KCNT2: variants seen among roughly 807,000 people sequenced by gnomAD.
KCNT2 encodes potassium channel subfamily T member 2.
Under a neutral mutation model 153.8 loss-of-function variants are expected in KCNT2, and 67 were observed. That is an observed-to-expected ratio of 0.44 (90% CI 0.36 to 0.53). KCNT2 has a LOEUF of 0.53. Ranked by LOEUF, KCNT2 falls within the 20% of genes least tolerant of loss-of-function variation. KCNT2 has a pLI of 0.00. For missense variants in KCNT2, 975 were observed against 1,354.8 expected, an observed-to-expected ratio of 0.72 and a Z score of 4.40; for synonymous variants, 500 against 458.8, an observed-to-expected ratio of 1.09 and a Z score of -1.15.
intron 21 of KCNT2, among the ~76,000 whole-genome samples, chr1:196,314,232 T>C (rs185408968): frequency 2.9e-4 from 44 of 151,736 alleles, no homozygotes; most frequent in Non-Finnish European, 5.3e-4. Context: ...ATTGAAAGTT[T>C]AAATAACATG....
intron 14 of KCNT2, among the ~76,000 whole-genome samples, chr1:196,345,878 C>T (rs564417663): frequency 2.0e-5 from 3 of 152,174 alleles, no homozygotes; most frequent in Middle Eastern, 3.4e-3. Flanking sequence ...AGTCCCAGTG[C>T]TTACAAGACA....
At chr1:196,234,806 C>T (rs187924260) in intron 27 of KCNT2, among the ~76,000 whole-genome samples, 4 of 151,526 alleles carry the variant, frequency 2.6e-5, no homozygotes, top group African/African-American at 9.6e-5. Context: ...TTCTGGATTA[C>T]AGACACAAAC....
chr1:196,370,575 G>A (rs976907723), intron 14 of KCNT2, among the ~76,000 whole-genome samples: 1 of 151,940 alleles, frequency 6.6e-6, no homozygotes. Flanking sequence ...TACGAATACT[G>A]CTGATGATGT....
intron 25 of KCNT2, among the ~76,000 whole-genome samples, chr1:196,266,009 A>G (rs1011934604): frequency 6.6e-6 from 1 of 152,216 alleles, no homozygotes; most frequent in Non-Finnish European, 1.5e-5. Flanking sequence ...AAACAGCACC[A>G]GCCCCAACAA....
rs948331858 is a variant in KCNT2, at chr1:196,608,386, C to G, written c.-77G>C. On this transcript the variant is annotated 5_prime_UTR_variant, in exon 1 of 28. Coordinates refer to ENST00000294725, the MANE Select transcript of KCNT2 (RefSeq NM_198503.5). ...GAAAGAAAGAAAATATTGCGGAGTA[C>G]AGGGAGAGGACTAACAAGACGCTGT... 14 of 1,178,302 alleles carry G rather than the reference C, an allele frequency of 1.2e-5. No homozygotes were observed. The highest frequency in any genetic ancestry group is 3.5e-5 in the Admixed American group (2 of 56,866). The allele number at this position is 1,178,302 out of a possible 1,614,324, so 73.0% of individuals were successfully genotyped here. A position where few individuals can be genotyped will look rare whatever the true frequency, so the allele number is the denominator to read the frequency against.
At chr1:196,452,267 C>T (rs994772623) in intron 8 of KCNT2, among the ~76,000 whole-genome samples, 49 of 151,988 alleles carry the variant, frequency 3.2e-4, no homozygotes, top group Non-Finnish European at 6.8e-4. Context: ...CTATAAGCTG[C>T]CTTTGAATGA....
intron 25 of KCNT2, among the ~76,000 whole-genome samples, chr1:196,277,838 A>G (rs1232225102): frequency 2.0e-5 from 3 of 152,106 alleles, no homozygotes; most frequent in Non-Finnish European, 1.5e-5. Context: ...CTGCGTTTTT[A>G]TATAATCTTA....
intron 1 of KCNT2, among the ~76,000 whole-genome samples, chr1:196,582,751 A>C (rs1364402971): frequency 6.6e-6 from 1 of 152,116 alleles, no homozygotes; most frequent in Admixed American, 6.6e-5. Context: ...GTGATGCATC[A>C]GGCAAGGATA....
chr1:196,498,075 CT>C lies in KCNT2; in HGVS notation c.96-5735del, dbSNP rs371714206. ...CCTTAATGTTGATTTTAATTTGATA[CT>C]TTTTTTTCATTTTCCTTTTATTCTT... is the stretch of plus-strand genomic sequence containing the variant. On this transcript the variant is annotated intron_variant, in intron 1 of 27. Transcript: ENST00000294725. 5.9e-3 allele frequency among the ~76,000 whole-genome samples: 897 copies of C among 151,984 alleles called. 5 individuals carry two copies. The highest frequency in any genetic ancestry group is 0.02 in the African/African-American group (847 of 41,444).
intron 1 of KCNT2, among the ~76,000 whole-genome samples, chr1:196,602,730 C>G (rs1664864647): frequency 7.0e-6 from 1 of 142,376 alleles, no homozygotes; most frequent in African/African-American, 2.6e-5. Flanking sequence ...ATACATTTTT[C>G]TCTGCATTTT....
rs180900378 is a variant in KCNT2, at chr1:196,568,635, A to T, written c.95+39580T>A. Among the ~76,000 whole-genome samples, 12 of 151,294 alleles carry T rather than the reference A, an allele frequency of 7.9e-5. 1 individual carries two copies. The East Asian group carries it at 2.3e-3, about 29-fold the overall frequency. On this transcript the variant is annotated intron_variant, in intron 1 of 27. Transcript: ENST00000294725. ...AGAAAAGAAAAACACGCCACCACAG[A>T]TCTGACAGGAGGCGGAGCTCAGGTG...
intron 14 of KCNT2, among the ~76,000 whole-genome samples, chr1:196,344,393 A>T (rs938375254): frequency 3.3e-5 from 5 of 152,190 alleles, no homozygotes; most frequent in African/African-American, 4.8e-5. Flanking sequence ...AAACAACAAC[A>T]TAAAACAGTT....
chr1:196,607,882 T>C (rs1665493381), intron 1 of KCNT2, among the ~76,000 whole-genome samples: 1 of 152,204 alleles, frequency 6.6e-6, no homozygotes, highest in Non-Finnish European at 1.5e-5. Context: ...GGAAATGATA[T>C]TGCATACCAT....
At chr1:196,393,293 A>C (rs1461123870) in intron 13 of KCNT2, among the ~76,000 whole-genome samples, 1 of 151,546 alleles carries the variant, frequency 6.6e-6, no homozygotes. Context: ...CAGTTGAAAG[A>C]AAATTGGATG....
rs559452975 is a variant in KCNT2, at chr1:196,449,705, A to C, written c.638+15588T>G. On this transcript the variant is annotated intron_variant, in intron 8 of 27. Transcript: ENST00000294725. ...AATGTACTAATAGGAAATCATGAGA[A>C]GAAAAGCAATGAATCACAATCTTCA... is the stretch of plus-strand genomic sequence containing the variant. Among the ~76,000 whole-genome samples, 22 of 151,792 alleles carry C rather than the reference A, an allele frequency of 1.4e-4. No homozygotes were observed. In the South Asian group the frequency reaches 4.6e-3, roughly 31 times the overall value.
intron 1 of KCNT2, among the ~76,000 whole-genome samples, chr1:196,544,128 G>T (rs1484379211): frequency 6.6e-6 from 1 of 152,054 alleles, no homozygotes; most frequent in East Asian, 1.9e-4. Flanking sequence ...TCCATGAAAG[G>T]TCACTATAAC....
At chr1:196,316,772 A>G (rs1050977430) in intron 20 of KCNT2, among the ~76,000 whole-genome samples, 1 of 151,682 alleles carries the variant, frequency 6.6e-6, no homozygotes, top group Non-Finnish European at 1.5e-5. Flanking sequence ...CATTCTCCCA[A>G]TGAATTAAAA....
chr1:196,292,364 A>G (rs1371540284), intron 22 of KCNT2, among the ~76,000 whole-genome samples: 1 of 152,244 alleles, frequency 6.6e-6, no homozygotes, highest in African/African-American at 2.4e-5. Flanking sequence ...AGCTAACATT[A>G]CACTCAATGG....
chr1:196,542,472 G>A (rs1199869485), intron 1 of KCNT2, among the ~76,000 whole-genome samples: 1 of 152,096 alleles, frequency 6.6e-6, no homozygotes, highest in Non-Finnish European at 1.5e-5. Flanking sequence ...GGAGTTATAA[G>A]TCTAGTATGT....
Sources: gnomAD v4.1 joint callset for allele counts (sites outside exome capture counted in the v4.1 genomes callset) on GRCh38, gnomAD v4.1.1 for gene constraint, MANE v1.5 for transcripts, NCBI Gene and HGNC (gene_info 2026-07-23, HGNC 2026-07-21) for gene names.